The following SLC4A10 variants were observed in gnomAD, a reference collection of about 807,000 sequenced individuals.
SLC4A10 encodes solute carrier family 4 member 10, also known as sodium-driven chloride bicarbonate exchanger.
A neutral mutation model predicts 137.7 loss-of-function variants in SLC4A10; 42 were observed. The observed-to-expected ratio is 0.30, with a 90% confidence interval of 0.24 to 0.39. The LOEUF (loss-of-function observed/expected upper bound fraction) is 0.39, where lower values mean the gene tolerates loss of function less well. Among genes scored for constraint, SLC4A10 ranks in the 10% least tolerant of loss-of-function variants. The pLI, the probability that SLC4A10 is intolerant of heterozygous loss-of-function variation, is 1.00. For missense variants in SLC4A10, 925 were observed against 1,355.0 expected, an observed-to-expected ratio of 0.68 and a Z score of 4.98; for synonymous variants, 474 against 464.1, an observed-to-expected ratio of 1.02 and a Z score of -0.27.
At chr2:161,715,037 A>AGTAT (rs777017322) in intron 1 of SLC4A10, among the ~76,000 whole-genome samples, 8 of 151,966 alleles carry the variant, frequency 5.3e-5, no homozygotes, top group Non-Finnish European at 1.0e-4. Context: ...ACACAATTTT[A>AGTAT]GTATGTATGT....
At chr2:161,888,138 C>T (rs181851960) in intron 10 of SLC4A10, among the ~76,000 whole-genome samples, 106 of 152,198 alleles carry the variant, frequency 7.0e-4, no homozygotes, top group African/African-American at 2.2e-3. Flanking sequence ...TTTCTGAGGT[C>T]TCTGTTCTGT....
chr2:161,688,573 A>C (rs971348372), intron 1 of SLC4A10, among the ~76,000 whole-genome samples: 8 of 152,198 alleles, frequency 5.3e-5, no homozygotes, highest in African/African-American at 1.9e-4. Flanking sequence ...CTATATTTTG[A>C]AAAGTTGTTT....
At chr2:161,866,130 A>G (rs1322449091) in intron 6 of SLC4A10, among the ~76,000 whole-genome samples, 1 of 152,054 alleles carries the variant, frequency 6.6e-6, no homozygotes, top group Non-Finnish European at 1.5e-5. Flanking sequence ...AAGCTTATGT[A>G]GATAAACCTG....
intron 4 of SLC4A10, among the ~76,000 whole-genome samples, chr2:161,845,034 T>C (rs1184329515): frequency 6.6e-6 from 1 of 152,138 alleles, no homozygotes; most frequent in African/African-American, 2.4e-5. Context: ...TTCAAACAAA[T>C]GTCAGCAGAG....
chr2:161,715,808 G>A (rs572930582), intron 1 of SLC4A10, among the ~76,000 whole-genome samples: 17 of 152,154 alleles, frequency 1.1e-4, no homozygotes, highest in Admixed American at 9.2e-4. Context: ...ATATACGCAC[G>A]CATGTATCTT....
chr2:161,686,471 C>A (rs2041417673), intron 1 of SLC4A10, among the ~76,000 whole-genome samples: 1 of 152,150 alleles, frequency 6.6e-6, no homozygotes, highest in African/African-American at 2.4e-5. Context: ...AGGTACAGAT[C>A]TTAATTGTCT....
intron 1 of SLC4A10, among the ~76,000 whole-genome samples, chr2:161,743,589 T>C (rs144921429): frequency 6.6e-6 from 1 of 152,252 alleles, no homozygotes. Flanking sequence ...TGTTTGTTTG[T>C]TTTTGCTGTG....
At chr2:161,685,984 TA>T (rs1454631658) in intron 1 of SLC4A10, among the ~76,000 whole-genome samples, 1 of 152,096 alleles carries the variant, frequency 6.6e-6, no homozygotes, top group Non-Finnish European at 1.5e-5. Context: ...AGTACTATAA[TA>T]AAGCACAAGA....
chr2:161,697,523 T>C (rs1397976679), intron 1 of SLC4A10, among the ~76,000 whole-genome samples: 3 of 152,140 alleles, frequency 2.0e-5, no homozygotes, highest in African/African-American at 7.3e-5. Flanking sequence ...TTTCTACATA[T>C]GGCTAGCCCG....
chr2:161,934,497 T>A (rs935693479), intron 15 of SLC4A10, among the ~76,000 whole-genome samples: 1 of 152,204 alleles, frequency 6.6e-6, no homozygotes, highest in African/African-American at 2.4e-5. Context: ...AATGACAGGA[T>A]CTCATTCTTT....
chr2:161,754,171 G>A (rs2049326402), intron 1 of SLC4A10, among the ~76,000 whole-genome samples: 1 of 151,924 alleles, frequency 6.6e-6, no homozygotes, highest in Non-Finnish European at 1.5e-5. Flanking sequence ...CAAAGTGCTG[G>A]GATTACAGGT....
chr2:161,915,950 G>T lies in SLC4A10; in HGVS notation c.1997+10063G>T, dbSNP rs1357424155. ...GTTGACCTAAGTGCTATCATATAAA[G>T]GTATATGATGCCAAGAGAGTGAGAA... On this transcript the variant is annotated intron_variant, in intron 15 of 26. Coordinates refer to ENST00000446997, the MANE Select transcript of SLC4A10 (RefSeq NM_001178015.2). Among the ~76,000 whole-genome samples the T allele has an allele frequency of 2.0e-5, 3 of 152,206 alleles. No individual in the cohort carries two copies. In the East Asian group the frequency reaches 5.8e-4, roughly 29 times the overall value.
At chr2:161,936,917 G>A (rs541713627) in intron 15 of SLC4A10, among the ~76,000 whole-genome samples, 41 of 152,194 alleles carry the variant, frequency 2.7e-4, no homozygotes, top group African/African-American at 9.9e-4. Flanking sequence ...AAGGTACAAT[G>A]TTATAGGTTG....
At chr2:161,881,061 C>A (rs2061742177) in intron 9 of SLC4A10, among the ~76,000 whole-genome samples, 1 of 151,888 alleles carries the variant, frequency 6.6e-6, no homozygotes. Context: ...GATTTAAAGA[C>A]AAGACTATTT....
intron 10 of SLC4A10, among the ~76,000 whole-genome samples, chr2:161,887,566 A>G (rs867607963): frequency 6.6e-6 from 1 of 152,064 alleles, no homozygotes; most frequent in African/African-American, 2.4e-5. Flanking sequence ...ACCAGTGATG[A>G]TGAGCTTTTT....
chr2:161,681,452 T>A (rs1389293880), intron 1 of SLC4A10, among the ~76,000 whole-genome samples: 2 of 152,192 alleles, frequency 1.3e-5, no homozygotes, highest in Non-Finnish European at 2.9e-5. Context: ...CTAAGTCTTC[T>A]GAATTTTAAT....
intron 1 of SLC4A10, among the ~76,000 whole-genome samples, chr2:161,700,098 G>A (rs1248731855): frequency 6.6e-6 from 1 of 152,154 alleles, no homozygotes; most frequent in African/African-American, 2.4e-5. Context: ...AAAACATTGA[G>A]TGATTATTGG....
chr2:161,886,025 G>A (rs531083757), intron 10 of SLC4A10, among the ~76,000 whole-genome samples: 59 of 152,100 alleles, frequency 3.9e-4, no homozygotes, highest in Non-Finnish European at 8.1e-4. Context: ...CTTGAGCCAG[G>A]GAGGTGGAGG....
At chr2:161,730,624 G>T (rs2046725417) in intron 1 of SLC4A10, among the ~76,000 whole-genome samples, 1 of 152,160 alleles carries the variant, frequency 6.6e-6, no homozygotes, top group South Asian at 2.1e-4. Context: ...TCCTGAATTT[G>T]TTCAAACAAA....
Sources: allele counts gnomAD v4.1 joint callset (sites outside exome capture counted in the v4.1 genomes callset), GRCh38; gene constraint gnomAD v4.1.1; transcripts MANE v1.5; gene names NCBI Gene and HGNC (gene_info 2026-07-23, HGNC 2026-07-21).